VSIG8: variants seen among roughly 807,000 people sequenced by gnomAD.
VSIG8 encodes V-set and immunoglobulin domain containing 8, also known as V-set and immunoglobulin domain-containing protein 8.
VSIG8 carries 32 observed loss-of-function variants against 42.6 expected under a neutral mutation model. The observed-to-expected ratio is 0.75, with a 90% CI of 0.57 to 1.01. VSIG8 has a LOEUF of 1.01. Among genes scored for constraint, VSIG8 ranks in the 50% least tolerant of loss-of-function variants. VSIG8 has a pLI of 0.00. For synonymous variants in VSIG8, 290 were observed against 243.8 expected, an observed-to-expected ratio of 1.19 and a Z score of -1.77; for missense variants, 529 against 558.0, an observed-to-expected ratio of 0.95 and a Z score of 0.52.
chr1:159,856,475 T>A (rs781416375), intron 5 of VSIG8, 49 bp downstream of exon 5: 66 of 1,605,876 alleles, frequency 4.1e-5, no homozygotes, highest in Non-Finnish European at 5.6e-5. Flanking sequence ...CCCAGCCTCC[T>A]CCAGTTCAAC....
Position 159,854,684 on chromosome 1 carries a change from C to A in VSIG8, c.*69G>T. ...GAGGTCGTCCCCAGCCCCGACGTGT[C>A]CCCAGCTGCAGACAGAGAGCCCCGC... is the stretch of plus-strand genomic sequence containing the variant. On this transcript the variant is annotated 3_prime_UTR_variant, in exon 7 of 7. Transcript: ENST00000368100. The A allele has an allele frequency of 7.2e-7, 1 of 1,390,824 alleles. No individual in the cohort carries two copies. The highest frequency in any genetic ancestry group is 9.2e-7 in the Non-Finnish European group (1 of 1,081,332). The allele number at this position is 1,390,824 out of a possible 1,614,324, so 86.2% of individuals were successfully genotyped here.
chr1:159,857,620 G>C, intron 4 of VSIG8, 125 bp downstream of exon 4: 2 of 730,946 alleles, frequency 2.7e-6, no homozygotes. Context: ...GGCCCAGAGG[G>C]AGGGTCTCCC....
In VSIG8 at chr1:159,855,863, C is replaced by A; in HGVS notation, c.971+20G>T. On this transcript the variant is annotated intron_variant, in intron 6 of 6. Transcript: ENST00000368100. ...CGGTTCCCTGCCGCACAGCAGCATG[C>A]AGCATGCATCAGGTTTTACCTGATC... 2 of 1,543,874 alleles carry A rather than the reference C, an allele frequency of 1.3e-6. No homozygotes were observed. Among genetic ancestry groups the A allele is most frequent in the South Asian group, 1.3e-5 (1 of 79,396 alleles).
chr1:159,856,521 T>A lies in VSIG8; in HGVS notation c.772+3A>T, dbSNP rs1648832360. On this transcript the variant is annotated splice_donor_region_variant and intron_variant, in intron 5 of 6. Transcript: ENST00000368100. ...ACCCAGCCCTCAAGACTGCTGCACC[T>A]ACCTGAGACCTTCACCTCCACCACA... 6.2e-7 allele frequency: 1 copy of A among 1,613,944 alleles called. No homozygotes were observed. The highest frequency in any genetic ancestry group is 1.7e-5 in the Admixed American group (1 of 59,990).
In VSIG8 at chr1:159,856,753, A is replaced by C. The variant is rs974738434; in HGVS notation, c.653-110T>G. On this transcript the variant is annotated intron_variant, in intron 4 of 6. Coordinates refer to ENST00000368100, the MANE Select transcript of VSIG8 (RefSeq NM_001013661.1). Reference sequence around the variant, plus strand: ...CTCTAGAAGAAGGGAAGGCTTATGCATGTGTGTACACCCACACCCACACAC... The same window carrying C: ...CTCTAGAAGAAGGGAAGGCTTATGCCTGTGTGTACACCCACACCCACACAC... The C allele has an allele frequency of 5.0e-6, 7 of 1,397,658 alleles. No homozygotes were observed. The African/African-American group carries it at 1.1e-4, about 22-fold the overall frequency. 86.6% of individuals were successfully genotyped at this position (1,397,658 alleles called of 1,614,324 possible). A position where few individuals can be genotyped will look rare whatever the true frequency, so the allele number is the denominator to read the frequency against.
At chr1:159,855,246 C>A in intron 6 of VSIG8, 1 of 1,551,368 alleles carries the variant, frequency 6.4e-7, no homozygotes, top group Admixed American at 2.0e-5. Context: ...ATCCTCCAGA[C>A]AGGGCTTGTC....
At chr1:159,858,063 G>A in intron 3 of VSIG8, 27 bp downstream of exon 3, 2 of 1,614,050 alleles carry the variant, frequency 1.2e-6, no homozygotes, top group Non-Finnish European at 1.7e-6. Context: ...GCCAGGGGGA[G>A]AGGAGCTTAG....
At chr1:159,856,409 C>CA in intron 5 of VSIG8, 115 bp downstream of exon 5, 1 of 1,550,832 alleles carries the variant, frequency 6.4e-7, no homozygotes, top group East Asian at 2.3e-5. Context: ...TGGGAGCCCC[C>CA]ACTGGCAAAT....
Position 159,862,540 on chromosome 1 carries a change from T to C in VSIG8, c.-19A>G. ...CTCTCATGTCTCTAGGCTCGGTGTT[T>C]CCTCCGTCTGGGCTGGGTATCCCGT... On this transcript the variant is annotated 5_prime_UTR_variant, in exon 1 of 7. Transcript: ENST00000368100. The C allele has an allele frequency of 6.2e-7, 1 of 1,610,292 alleles. No individual in the cohort carries two copies. The highest frequency in any genetic ancestry group is 8.5e-7 in the Non-Finnish European group (1 of 1,177,840).
chr1:159,856,767 A>C, intron 4 of VSIG8, 124 bp from the exon 5 acceptor site: 2 of 1,113,586 alleles, frequency 1.8e-6, no homozygotes, highest in Non-Finnish European at 2.5e-6. Flanking sequence ...GTGTACACCC[A>C]CACCCACACA....
At chr1:159,855,115 C>T in intron 6 of VSIG8, 89 bp from the exon 7 acceptor site, 1 of 1,551,268 alleles carries the variant, frequency 6.4e-7, no homozygotes, top group African/African-American at 1.4e-5. Context: ...CTCTTGGCAA[C>T]CTCTTGTCTC....
chr1:159,854,459 T>A lies in VSIG8; in HGVS notation c.*294A>T. ...GGCTGGGGACACCAGGCCTCCGGCC[T>A]CAGCCGCTCTAGGACACTCAGCCTC... On this transcript the variant is annotated 3_prime_UTR_variant, in exon 7 of 7. Coordinates refer to ENST00000368100, the MANE Select transcript of VSIG8 (RefSeq NM_001013661.1). 5.9e-6 allele frequency: 2 copies of A among 338,864 alleles called. No homozygotes were observed. The highest frequency in any genetic ancestry group is 4.7e-6 in the Non-Finnish European group (1 of 211,752). 21.0% of individuals were successfully genotyped at this position (338,864 alleles called of 1,614,324 possible).
chr1:159,856,264 A>G, intron 5 of VSIG8, 183 bp from the exon 6 acceptor site: 1 of 757,374 alleles, frequency 1.3e-6, no homozygotes, highest in East Asian at 2.7e-5. Flanking sequence ...CCCTCGTGTC[A>G]GCATGCTTCT....
intron 4 of VSIG8, 122 bp downstream of exon 4, chr1:159,857,623 G>T: frequency 2.7e-6 from 2 of 747,994 alleles, no homozygotes; most frequent in Non-Finnish European, 4.3e-6. Context: ...CCAGAGGGAG[G>T]GTCTCCCACA....
chr1:159,854,634 A>C lies in VSIG8; in HGVS notation c.*119T>G. On this transcript the variant is annotated 3_prime_UTR_variant, in exon 7 of 7. Transcript: ENST00000368100. ...TCCTTAGGGAAATGCCTTCACCCCC[A>C]GCCGCCTGGCAGCCTGGGGCGAGCG... 7.5e-7 allele frequency: 1 copy of C among 1,340,566 alleles called. No individual in the cohort carries two copies. The highest frequency in any genetic ancestry group is 9.5e-7 in the Non-Finnish European group (1 of 1,050,732). 83.0% of individuals were successfully genotyped at this position (1,340,566 alleles called of 1,614,324 possible). A position where few individuals can be genotyped will look rare whatever the true frequency, so the allele number is the denominator to read the frequency against.
intron 1 of VSIG8, chr1:159,860,588 C>A (rs1557905179): frequency 6.6e-6 from 1 of 152,270 alleles, no homozygotes; most frequent in Non-Finnish European, 1.5e-5. Flanking sequence ...CCAAGGTGAC[C>A]CAGAGCAGGC....
At chr1:159,858,030 G>A (rs779730402) in intron 3 of VSIG8, 60 bp downstream of exon 3, 161 of 1,612,076 alleles carry the variant, frequency 1.0e-4, no homozygotes, top group Non-Finnish European at 1.3e-4. Context: ...GCTCAAAGTG[G>A]CCAAGCTGCC....
Position 159,856,537 on chromosome 1 carries a change from C to A in VSIG8, c.759G>T (p.Glu253Asp), listed in dbSNP as rs543268130. ...TGCTGCACCTACCTGAGACCTTCAC[C>A]TCCACCACACAAACACTGTAGCCCA... ...NNVGYSVCVV[E>D]VKVSDSRRIG... Residue 253 changes from glutamate (E) to aspartate (D), a missense_variant, in exon 5 of 7, where the codon GAG (glutamate) becomes GAT (aspartate). Physicochemically the swap from Glu to Asp is conservative, Grantham distance 45. Transcript: ENST00000368100. The A allele has an allele frequency of 2.6e-5, 42 of 1,614,178 alleles. No individual in the cohort carries two copies. In the African/African-American group the frequency reaches 5.3e-4, roughly 20 times the overall value.
At chr1:159,855,838 C>T in intron 6 of VSIG8, 45 bp downstream of exon 6, 1 of 1,503,342 alleles carries the variant, frequency 6.7e-7, no homozygotes. Context: ...GGCAGGGCGC[C>T]GGTTCCCTGC....
Sources: allele counts gnomAD v4.1 joint callset, GRCh38; gene constraint gnomAD v4.1.1; transcripts MANE v1.5; gene names NCBI Gene and HGNC (gene_info 2026-07-23, HGNC 2026-07-21).